Variants in FAM200B observed in about 807,000 individuals in gnomAD.
FAM200B encodes protein FAM200B.
Under a neutral mutation model 33.1 loss-of-function variants are expected in FAM200B, and 32 were observed. The observed-to-expected ratio is 0.97, with a 90% CI of 0.73 to 1.30. FAM200B has a LOEUF of 1.30. FAM200B is among the 50% of genes most tolerant of loss of function. The pLI is 0.00. For synonymous variants in FAM200B, 240 were observed against 264.8 expected, an observed-to-expected ratio of 0.91 and a Z score of 0.91; for missense variants, 741 against 754.0, an observed-to-expected ratio of 0.98 and a Z score of 0.20.
At chr4:15,662,269 T>TAATAAACGAAGGGATTAA in the FAM200B span, among the ~76,000 whole-genome samples, 1 of 152,152 alleles carries the variant, frequency 6.6e-6, no homozygotes, top group Non-Finnish European at 1.5e-5. Context: ...CATAGGCTCC[T>TAATAAACGAAGGGATTAA]TCCACGGCTC....
At position 15,687,883 on chromosome 4, in the gene FAM200B, G is replaced by T; in HGVS notation, c.906G>T (p.Met302Ile). The T allele has an allele frequency of 1.3e-6, 2 of 1,551,112 alleles. No homozygotes were observed. Among genetic ancestry groups the T allele is most frequent in the South Asian group, 2.4e-5 (2 of 83,974 alleles). The stretch of plus-strand genomic sequence containing the variant: ...TTACAAGTGATGGCACAGCAACCAT[G>T]ACTGGAAAACATAGCAGAGTAATTA... ...KGITSDGTAT[M>I]TGKHSRVIKK... Residue 302 changes from methionine to isoleucine, a missense_variant, in exon 2 of 2, where the codon ATG (methionine) becomes ATT (isoleucine). Met to Ile is a conservative substitution (Grantham distance 10). Transcript: ENST00000422728.
At chr4:15,656,385 A>G in the FAM200B span, 9 of 433,556 alleles carry the variant, frequency 2.1e-5, no homozygotes, top group African/African-American at 1.8e-4. Flanking sequence ...AAGCCTGAGA[A>G]CCTTGGGAGG....
At chr4:15,667,223 A>G in the FAM200B span, among the ~76,000 whole-genome samples, 1 of 152,218 alleles carries the variant, frequency 6.6e-6, no homozygotes, top group Non-Finnish European at 1.5e-5. Context: ...CCACATGATC[A>G]CGGGCAACCT....
chr4:15,641,769 GTAA>G, the FAM200B span: 2 of 349,412 alleles, frequency 5.7e-6, no homozygotes, highest in African/African-American at 4.3e-5. Context: ...GCTCATGCCT[GTAA>G]TCCCACCACT....
the FAM200B span, among the ~76,000 whole-genome samples, chr4:15,647,920 C>A: frequency 6.6e-6 from 1 of 151,494 alleles, no homozygotes; most frequent in Non-Finnish European, 1.5e-5. Context: ...GTGGCATGAT[C>A]ATAGCTCACT....
chr4:15,656,813 C>T, the FAM200B span, among the ~76,000 whole-genome samples: 2 of 152,026 alleles, frequency 1.3e-5, 1 homozygote. Context: ...CGTCTGTAAG[C>T]TAGTAATACT....
rs529315805 is a variant in FAM200B at position 15,686,638 on chromosome 4, G to A, written c.-340G>A. 3 of 164,626 alleles carry A rather than the reference G, an allele frequency of 1.8e-5. No individual in the cohort carries two copies. Among genetic ancestry groups the A allele is most frequent in the Non-Finnish European group, 3.9e-5 (3 of 76,632 alleles). 10.2% of individuals were successfully genotyped at this position (164,626 alleles called of 1,614,324 possible). On this transcript the variant is annotated 5_prime_UTR_variant, in exon 2 of 2. Transcript: ENST00000422728. ...TGCATGAATCCTTTGCCTGAATTGT[G>A]CACATTGCAAGGAATGCTGAGGTCA...
rs1293938737 is a variant in FAM200B at position 15,686,232 on chromosome 4, C to A, written c.-742-4C>A. 1 of 152,092 alleles carries A rather than the reference C, an allele frequency of 6.6e-6. No homozygotes were observed. Among genetic ancestry groups the A allele is most frequent in the Admixed American group, 6.5e-5 (1 of 15,270 alleles). The allele number at this position is 152,092 out of a possible 1,614,324, so 9.4% of individuals were successfully genotyped here. On this transcript the variant is annotated splice_polypyrimidine_tract_variant and splice_region_variant and intron_variant, in intron 1 of 1. Transcript: ENST00000422728. ...TAATGTCTTATCTCTGGTCTTATTCCCAGGTCAAGGATGCATTCCAGGAAA... is the reference window on the plus strand; with the variant it reads ...TAATGTCTTATCTCTGGTCTTATTCACAGGTCAAGGATGCATTCCAGGAAA...
In FAM200B at chr4:15,689,694, T is replaced by C. The variant is rs965833816; in HGVS notation, c.*743T>C. Reference sequence around the variant, plus strand: ...CAGGAGGCTGTGGCAGGAGGGTCGCTTGACCTCAGGAGTTTGAAGTTGCAG... The same window carrying C: ...CAGGAGGCTGTGGCAGGAGGGTCGCCTGACCTCAGGAGTTTGAAGTTGCAG... On this transcript the variant is annotated 3_prime_UTR_variant, in exon 2 of 2. Transcript: ENST00000422728. 6.3e-6 allele frequency: 1 copy of C among 158,510 alleles called. No individual in the cohort carries two copies. 9.8% of individuals were successfully genotyped at this position (158,510 alleles called of 1,614,324 possible).
At chr4:15,684,781 T>A (rs1266278402) in intron 1 of FAM200B, 3 of 152,222 alleles carry the variant, frequency 2.0e-5, no homozygotes, top group African/African-American at 7.2e-5. Flanking sequence ...TACCATAAAC[T>A]CTTTAGTCCT....
At chr4:15,642,278 T>C in the FAM200B span, among the ~76,000 whole-genome samples, 1 of 152,068 alleles carries the variant, frequency 6.6e-6, no homozygotes, top group Admixed American at 6.5e-5. Flanking sequence ...CCTTGCTCTG[T>C]TGCCCAGGCT....
intron 1 of FAM200B, among the ~76,000 whole-genome samples, chr4:15,683,728 A>T (rs6811179): frequency 0.052 from 7,963 of 152,264 alleles, 347 homozygotes; most frequent in East Asian, 0.21. Flanking sequence ...ATCTTTAACA[A>T]TCCTGTTTTA....
At chr4:15,650,315 T>C in the FAM200B span, among the ~76,000 whole-genome samples, 1 of 152,230 alleles carries the variant, frequency 6.6e-6, no homozygotes, top group Non-Finnish European at 1.5e-5. Flanking sequence ...TGAAATATAG[T>C]GCAATCCAGA....
intron 1 of FAM200B, among the ~76,000 whole-genome samples, chr4:15,682,700 G>A (rs1342408683): frequency 6.6e-6 from 1 of 152,194 alleles, no homozygotes; most frequent in Non-Finnish European, 1.5e-5. Flanking sequence ...ACATACTTTA[G>A]GCACTGTAGG....
upstream of FAM200B, among the ~76,000 whole-genome samples, chr4:15,680,265 A>T (rs542463651): frequency 2.6e-5 from 4 of 152,216 alleles, no homozygotes; most frequent in Non-Finnish European, 5.9e-5. Flanking sequence ...GAAGACTATT[A>T]GGAATGGTAC....
the FAM200B span, among the ~76,000 whole-genome samples, chr4:15,675,160 T>G: frequency 1.2e-3 from 187 of 152,030 alleles, no homozygotes; most frequent in African/African-American, 4.3e-3. Flanking sequence ...ATTGATTTTT[T>G]ATGTTAAGTC....
the FAM200B span, among the ~76,000 whole-genome samples, chr4:15,671,713 G>A: frequency 6.6e-6 from 1 of 152,096 alleles, no homozygotes; most frequent in African/African-American, 2.4e-5. Context: ...TTACACACTA[G>A]GGTGCTTAAA....
the FAM200B span, among the ~76,000 whole-genome samples, chr4:15,646,445 C>A: frequency 6.8e-6 from 1 of 146,744 alleles, no homozygotes. Context: ...CAAACACTAT[C>A]ATGTATCATT....
chr4:15,687,672 G>A lies in FAM200B; in HGVS notation c.695G>A (p.Ser232Asn), dbSNP rs747744015. The A allele has an allele frequency of 1.3e-6, 2 of 1,551,110 alleles. No individual in the cohort carries two copies. Among genetic ancestry groups the A allele is most frequent in the South Asian group, 1.2e-5 (1 of 84,050 alleles). ...GIDFAIQLDE[S>N]TDIGSCTTLL... The stretch of plus-strand genomic sequence containing the variant: ...GATTTTGCAATCCAGCTTGATGAAA[G>A]CACTGATATTGGAAGCTGCACAACA... The change falls in exon 2 of 2, where the codon AGC (serine) becomes AAC (asparagine). Residue 232 changes from serine (S) to asparagine (N), a missense_variant. By Grantham distance (46) the Ser-to-Asn change is conservative. Coordinates refer to ENST00000422728, the MANE Select transcript of FAM200B (RefSeq NM_001145191.2).
Sources: gnomAD v4.1 joint callset for allele counts (sites outside exome capture counted in the v4.1 genomes callset) on GRCh38, gnomAD v4.1.1 for gene constraint, MANE v1.5 for transcripts, NCBI Gene and HGNC (gene_info 2026-07-23, HGNC 2026-07-21) for gene names.